Variants in UCK1 observed in about 807,000 individuals in gnomAD.
UCK1 encodes cytidine monophosphokinase 1.
UCK1 carries 20 observed loss-of-function variants against 34.0 expected under a neutral mutation model. The observed-to-expected ratio is 0.59, with a 90% CI of 0.41 to 0.86. The LOEUF (loss-of-function observed/expected upper bound fraction) is 0.86, where lower values mean the gene tolerates loss of function less well. Ranked by LOEUF, UCK1 falls within the 40% of genes least tolerant of loss-of-function variation. UCK1 has a pLI of 0.00. For missense variants in UCK1, 343 were observed against 383.6 expected (o/e 0.89, Z 0.88); for synonymous variants, 168 against 155.9 (o/e 1.08, Z -0.58).
At chr9:131,528,580 C>T (rs1214001200) in intron 5 of UCK1, among the ~76,000 whole-genome samples, 1 of 152,238 alleles carries the variant, frequency 6.6e-6, no homozygotes, top group East Asian at 1.9e-4. Context: ...GGAATAAGCA[C>T]CCAGGACGTG....
At chr9:131,525,347 G>T in intron 6 of UCK1, 126 bp from the exon 7 acceptor site, 1 of 1,147,680 alleles carries the variant, frequency 8.7e-7, no homozygotes, top group Non-Finnish European at 1.3e-6. Flanking sequence ...CTGCGGCGAG[G>T]GGCATCGAGT....
intron 2 of UCK1, among the ~76,000 whole-genome samples, chr9:131,529,966 A>G (rs1950767256): frequency 6.6e-6 from 1 of 151,672 alleles, no homozygotes; most frequent in Non-Finnish European, 1.5e-5. Context: ...TCCTTGGGAA[A>G]AGGCTGACCA....
At position 131,525,161 on chromosome 9, in the gene UCK1, C is replaced by T. The variant is rs1950539471; in HGVS notation, c.713G>A (p.Trp238Ter). The T allele has an allele frequency of 6.2e-7, 1 of 1,614,024 alleles. No homozygotes were observed. The highest frequency in any genetic ancestry group is 8.5e-7 in the Non-Finnish European group (1 of 1,180,046). Residue 238 changes from tryptophan to a stop codon, truncating the protein, a stop_gained, in exon 7 of 7, where the codon TGG becomes TAG. Coordinates refer to ENST00000372215, the MANE Select transcript of UCK1 (RefSeq NM_031432.5). LOFTEE classifies it high-confidence loss of function. Reference protein sequence around the residue: ...QDILNGDICKWHRGGSNGRSY... With the variant: ...QDILNGDICK ...CCGCCCATTGGACCCTCCTCGGTGC[C>T]ATTTGCAGATGTCACCATTCAGAAT...
intron 3 of UCK1, 73 bp from the exon 4 acceptor site, chr9:131,529,343 A>T (rs539488452): frequency 8.1e-6 from 13 of 1,605,984 alleles, no homozygotes; most frequent in Admixed American, 3.4e-5. Context: ...GTCAGCTTCC[A>T]TTGCAGGGAC....
At chr9:131,526,507 C>T (rs1950609342) in intron 5 of UCK1, 1 of 1,289,516 alleles carries the variant, frequency 7.8e-7, no homozygotes, top group Non-Finnish European at 1.0e-6. Context: ...TGCTCTGCTG[C>T]TGAGGAAGGA....
intron 2 of UCK1, among the ~76,000 whole-genome samples, chr9:131,530,169 G>A (rs1406726901): frequency 1.3e-5 from 2 of 152,234 alleles, no homozygotes; most frequent in Non-Finnish European, 2.9e-5. Flanking sequence ...GGGCCCTAAA[G>A]GCCCCAACGT....
Position 131,529,015 on chromosome 9 carries a change from T to C in UCK1, c.532A>G (p.Arg178Gly). Reference sequence around the variant, plus strand: ...TGCGTCAGAATCTGCTCCAGGTCCCTCCCTCGGCGCACGTCCCGGAGAACT... The same window carrying C: ...TGCGTCAGAATCTGCTCCAGGTCCCCCCCTCGGCGCACGTCCCGGAGAACT... ...RRVLRDVRRG[R>G]DLEQILTQYT... The change falls in exon 5 of 7, where the codon AGG becomes GGG. Residue 178 changes from arginine to glycine, a missense_variant. Transcript: ENST00000372215. 6.2e-7 allele frequency: 1 copy of C among 1,614,040 alleles called. No homozygotes were observed. Among genetic ancestry groups the C allele is most frequent in the Non-Finnish European group, 8.5e-7 (1 of 1,179,998 alleles).
chr9:131,531,220 C>T lies in UCK1; in HGVS notation c.-46G>A. 3.0e-6 allele frequency: 4 copies of T among 1,338,688 alleles called. No homozygotes were observed. Among genetic ancestry groups the T allele is most frequent in the African/African-American group, 1.5e-5 (1 of 64,870 alleles). 82.9% of individuals were successfully genotyped at this position (1,338,688 alleles called of 1,614,324 possible). On this transcript the variant is annotated 5_prime_UTR_variant, in exon 1 of 7. Coordinates refer to ENST00000372215, the MANE Select transcript of UCK1 (RefSeq NM_031432.5). ...ATCGGGTCCCCGCGCCCGCCCCTTC[C>T]CCAGGCCCGGCGCGCCCGCCCAGCG...
Position 131,524,406 on chromosome 9 carries a change from C to CCTT in UCK1, c.*631_*633dup, listed in dbSNP as rs1319750577. The CCTT allele has an allele frequency of 6.6e-6, 1 of 152,316 alleles. No individual in the cohort carries two copies. Among genetic ancestry groups the CCTT allele is most frequent in the African/African-American group, 2.4e-5 (1 of 41,462 alleles). The allele number at this position is 152,316 out of a possible 1,614,324, so 9.4% of individuals were successfully genotyped here. A position where few individuals can be genotyped will look rare whatever the true frequency, so the allele number is the denominator to read the frequency against. ...CCAGGGCATCCGCCTCGCTTCTCTG[C>CCTT]CTTTAAGGCACAAGCAAGGGGGGAA... On this transcript the variant is annotated 3_prime_UTR_variant, in exon 7 of 7. Coordinates refer to ENST00000372215, the MANE Select transcript of UCK1 (RefSeq NM_031432.5).
rs1230055573 is a variant in UCK1 at position 131,529,233 on chromosome 9, C to A, written c.403G>T (p.Val135Phe). The change falls in exon 4 of 7, where the codon GTT becomes TTT. Residue 135 changes from valine (V) to phenylalanine (F), a missense_variant. Val to Phe is a conservative substitution (Grantham distance 50, BLOSUM62 -1). Coordinates refer to ENST00000372215, the MANE Select transcript of UCK1 (RefSeq NM_031432.5). ...ETTVVYPADV[V>F]LFEGILVFYS... ...AACACCAAGATGCCCTCAAACAGAA[C>A]CACGTCCGCAGGGTAGACCACCGTG... 1.2e-6 allele frequency: 2 copies of A among 1,614,158 alleles called. No homozygotes were observed. Among genetic ancestry groups the A allele is most frequent in the Non-Finnish European group, 1.7e-6 (2 of 1,180,038 alleles).
In UCK1 at chr9:131,523,866, TAC is replaced by T. The variant is rs1950423583; in HGVS notation, c.*1172_*1173del. ...AGGGGCCTAAGCTCGACAAAACCGTTACAGTTGTCAGAACCCAGCCACAGGGC... is the reference window on the plus strand; with the variant it reads ...AGGGGCCTAAGCTCGACAAAACCGTTAGTTGTCAGAACCCAGCCACAGGGC... On this transcript the variant is annotated 3_prime_UTR_variant, in exon 7 of 7. Coordinates refer to ENST00000372215, the MANE Select transcript of UCK1 (RefSeq NM_031432.5). 1 of 152,420 alleles carries T rather than the reference TAC, an allele frequency of 6.6e-6. No individual in the cohort carries two copies. The highest frequency in any genetic ancestry group is 2.4e-5 in the African/African-American group (1 of 41,462). The allele number at this position is 152,420 out of a possible 1,614,324, so 9.4% of individuals were successfully genotyped here. A position where few individuals can be genotyped will look rare whatever the true frequency, so the allele number is the denominator to read the frequency against.
rs2131978956 is a variant in UCK1, at chr9:131,526,332, G to A, written c.604-355C>T. ...AAGCTAAGTGTGGCACTTCTACAAA[G>A]TGTGACATTGTTCCTCTGGAATCAT... On this transcript the variant is annotated intron_variant, in intron 5 of 6. Transcript: ENST00000372215. The A allele has an allele frequency of 7.6e-6, 8 of 1,051,852 alleles. No individual in the cohort carries two copies. The South Asian group carries it at 9.6e-5, about 13-fold the overall frequency. 65.2% of individuals were successfully genotyped at this position (1,051,852 alleles called of 1,614,324 possible). A position where few individuals can be genotyped will look rare whatever the true frequency, so the allele number is the denominator to read the frequency against.
Position 131,524,847 on chromosome 9 carries a change from CG to C in UCK1, c.*192del, listed in dbSNP as rs1247652828. The stretch of plus-strand genomic sequence containing the variant: ...CCTAAGTGGCTGAAAACCTCAGGAA[CG>C]CCTGTCAGTGTCCCAGCAAGTTGAG... On this transcript the variant is annotated 3_prime_UTR_variant, in exon 7 of 7. Transcript: ENST00000372215. The C allele has an allele frequency of 6.3e-6, 4 of 631,690 alleles. No individual in the cohort carries two copies. Among genetic ancestry groups the C allele is most frequent in the Non-Finnish European group, 1.0e-5 (4 of 382,160 alleles). 39.1% of individuals were successfully genotyped at this position (631,690 alleles called of 1,614,324 possible).
chr9:131,525,274 G>C (rs1473265885), intron 6 of UCK1, 53 bp from the exon 7 acceptor site: 1 of 1,608,910 alleles, frequency 6.2e-7, no homozygotes, highest in African/African-American at 1.3e-5. Context: ...CCTCCGTGGA[G>C]ACCGCCCCTC....
intron 5 of UCK1, among the ~76,000 whole-genome samples, chr9:131,527,242 C>T (rs1950643116): frequency 6.6e-6 from 1 of 151,804 alleles, no homozygotes; most frequent in African/African-American, 2.4e-5. Context: ...GTGGGAGGAT[C>T]ACTTGAGAGT....
rs759822283 is a variant in UCK1 at position 131,528,995 on chromosome 9, C to A, written c.552G>T (p.Leu184=). Reference sequence around the variant, plus strand: ...GCTTCACGAAGGTGGTGTACTGCGTCAGAATCTGCTCCAGGTCCCTCCCTC... The same window carrying A: ...GCTTCACGAAGGTGGTGTACTGCGTAAGAATCTGCTCCAGGTCCCTCCCTC... ...VRRGRDLEQI[L]TQYTTFVKPA... is the part of the protein sequence containing the mutation. Residue 184 remains leucine (L), a synonymous_variant, in exon 5 of 7, where the codon CTG becomes CTT. Transcript: ENST00000372215. 3.1e-6 allele frequency: 5 copies of A among 1,614,048 alleles called. No homozygotes were observed. In the African/African-American group the frequency reaches 5.3e-5, roughly 17 times the overall value.
At chr9:131,526,302 G>T in intron 5 of UCK1, 1 of 845,648 alleles carries the variant, frequency 1.2e-6, no homozygotes, top group Non-Finnish European at 1.8e-6. Context: ...TCAATTCACT[G>T]GGCCAAGCTA....
Position 131,531,181 on chromosome 9 carries a change from C to T in UCK1, c.-7G>A, listed in dbSNP as rs1347430253. On this transcript the variant is annotated 5_prime_UTR_variant, in exon 1 of 7. Coordinates refer to ENST00000372215, the MANE Select transcript of UCK1 (RefSeq NM_031432.5). The stretch of plus-strand genomic sequence containing the variant: ...CGCCTCCCGCCGAAGCCATCTCGGC[C>T]TCCGCTCCCGCGCATCGGGTCCCCG... The T allele has an allele frequency of 1.4e-6, 2 of 1,407,878 alleles. No individual in the cohort carries two copies. Among genetic ancestry groups the T allele is most frequent in the Admixed American group, 3.0e-5 (1 of 32,946 alleles). 87.2% of individuals were successfully genotyped at this position (1,407,878 alleles called of 1,614,324 possible).
In UCK1 at chr9:131,531,242, A is replaced by C; in HGVS notation, c.-68T>G. Reference sequence around the variant, plus strand: ...TTCCCCAGGCCCGGCGCGCCCGCCCAGCGCCGAGGTCGGAGGCAACCGGAG... The same window carrying C: ...TTCCCCAGGCCCGGCGCGCCCGCCCCGCGCCGAGGTCGGAGGCAACCGGAG... On this transcript the variant is annotated 5_prime_UTR_variant, in exon 1 of 7. Transcript: ENST00000372215. 7.8e-7 allele frequency: 1 copy of C among 1,283,592 alleles called. No individual in the cohort carries two copies. Among genetic ancestry groups the C allele is most frequent in the Non-Finnish European group, 9.9e-7 (1 of 1,009,284 alleles). The allele number at this position is 1,283,592 out of a possible 1,614,324, so 79.5% of individuals were successfully genotyped here. A position where few individuals can be genotyped will look rare whatever the true frequency, so the allele number is the denominator to read the frequency against.
Sources: gnomAD v4.1 joint callset for allele counts (sites outside exome capture counted in the v4.1 genomes callset) on GRCh38, gnomAD v4.1.1 for gene constraint, MANE v1.5 for transcripts, NCBI Gene and HGNC (gene_info 2026-07-23, HGNC 2026-07-21) for gene names.